The following NCALD variants were observed in gnomAD, a reference collection of about 807,000 sequenced individuals.
The protein encoded by NCALD is neurocalcin-delta.
NCALD carries 10 observed loss-of-function variants against 18.6 expected under a neutral mutation model. The ratio of observed to expected loss-of-function variants is 0.54; its 90% CI spans 0.33 to 0.91. NCALD has a LOEUF of 0.91. NCALD is among the 40% of genes least tolerant of loss of function. The pLI is 0.03. For synonymous variants in NCALD, 88 were observed against 87.4 expected, an observed-to-expected ratio of 1.01 and a Z score of -0.04; for missense variants, 184 against 247.6, an observed-to-expected ratio of 0.74 and a Z score of 1.72.
chr8:102,021,716 C>A (rs1475490747), intron 1 of NCALD, among the ~76,000 whole-genome samples: 1 of 152,144 alleles, frequency 6.6e-6, no homozygotes, highest in Admixed American at 6.5e-5. Context: ...AGACTCTTCT[C>A]CCTAACTACT....
chr8:101,797,876 T>A (rs1336734091), intron 4 of NCALD, among the ~76,000 whole-genome samples: 3 of 151,294 alleles, frequency 2.0e-5, no homozygotes, highest in Non-Finnish European at 2.9e-5. Context: ...AAAAATAAAT[T>A]AAATAAAATA....
chr8:101,901,254 C>T (rs969480136), intron 3 of NCALD, among the ~76,000 whole-genome samples: 1 of 151,244 alleles, frequency 6.6e-6, no homozygotes, highest in Non-Finnish European at 1.5e-5. Context: ...CAGGAATTTC[C>T]TATAAACAGC....
chr8:101,690,312 C>T (rs1814666176), intron 3 of NCALD: 2 of 984,696 alleles, frequency 2.0e-6, no homozygotes, highest in African/African-American at 1.7e-5. Context: ...GTGACATGCT[C>T]GATTGGTAAA....
intron 1 of NCALD, among the ~76,000 whole-genome samples, chr8:101,763,881 G>A (rs935865136): frequency 1.3e-5 from 2 of 151,328 alleles, no homozygotes; most frequent in Non-Finnish European, 2.9e-5. Context: ...TCTCCCGCTT[G>A]CCAAGTCACC....
intron 2 of NCALD, among the ~76,000 whole-genome samples, chr8:102,019,706 T>C (rs1309866886): frequency 1.3e-5 from 2 of 152,168 alleles, no homozygotes; most frequent in South Asian, 2.1e-4. Context: ...TAGCTAAGTA[T>C]AGAAAAGATA....
chr8:101,912,978 G>A (rs1817853941), intron 3 of NCALD, among the ~76,000 whole-genome samples: 1 of 152,212 alleles, frequency 6.6e-6, no homozygotes, highest in Non-Finnish European at 1.5e-5. Context: ...TAGGACATGA[G>A]AGTGACCCAG....
At chr8:101,963,116 G>T (rs1483400238) in intron 2 of NCALD, among the ~76,000 whole-genome samples, 1 of 151,962 alleles carries the variant, frequency 6.6e-6, no homozygotes, top group Non-Finnish European at 1.5e-5. Context: ...TTAACAATTG[G>T]CTTTTATAAA....
chr8:101,732,222 T>C (rs1816864585), intron 1 of NCALD, among the ~76,000 whole-genome samples: 1 of 152,230 alleles, frequency 6.6e-6, no homozygotes, highest in Admixed American at 6.5e-5. Context: ...TCATTATTAC[T>C]ACTTTGGGTT....
chr8:102,026,148 C>T (rs548635109), intron 1 of NCALD, among the ~76,000 whole-genome samples: 2 of 152,262 alleles, frequency 1.3e-5, no homozygotes, highest in African/African-American at 4.8e-5. Context: ...GGGGACACAG[C>T]CAAACCATAT....
chr8:102,079,012 T>C lies in NCALD; in HGVS notation c.-210+45225A>G, dbSNP rs76386152. ...AGACTGCAGAGATCAGAAACATGCT[T>C]GAACCTAGTGGAAGAAGCTGGCTGA... On this transcript the variant is annotated intron_variant, in intron 1 of 6. Coordinates refer to the NCALD transcript ENST00000311028. 3.4e-3 allele frequency among the ~76,000 whole-genome samples: 525 copies of C among 152,286 alleles called. 8 individuals are homozygous for C. Among genetic ancestry groups the C allele is most frequent in the South Asian group, 0.028 (136 of 4,824 alleles).
At chr8:102,055,575 C>T (rs1184572051) in intron 1 of NCALD, among the ~76,000 whole-genome samples, 1 of 152,208 alleles carries the variant, frequency 6.6e-6, no homozygotes, top group Non-Finnish European at 1.5e-5. Flanking sequence ...TATGGTGGTG[C>T]CAAATGAACC....
At chr8:102,003,718 T>C (rs1167650240) in intron 2 of NCALD, among the ~76,000 whole-genome samples, 1 of 152,162 alleles carries the variant, frequency 6.6e-6, no homozygotes, top group Non-Finnish European at 1.5e-5. Flanking sequence ...GCAAGACTGG[T>C]TCAACATACG....
intron 2 of NCALD, among the ~76,000 whole-genome samples, chr8:101,708,170 G>A (rs1815620164): frequency 6.6e-6 from 1 of 152,104 alleles, no homozygotes; most frequent in African/African-American, 2.4e-5. Flanking sequence ...TAAGGTTTGG[G>A]GAATTCCTGG....
chr8:102,025,160 A>G (rs1048572786), intron 1 of NCALD, among the ~76,000 whole-genome samples: 1 of 151,992 alleles, frequency 6.6e-6, no homozygotes, highest in Non-Finnish European at 1.5e-5. Flanking sequence ...CTCAGTGGAG[A>G]CATTTCAACA....
chr8:101,838,921 T>A (rs1814526600), intron 4 of NCALD, among the ~76,000 whole-genome samples: 1 of 152,248 alleles, frequency 6.6e-6, no homozygotes. Context: ...AGACTTGAGA[T>A]GTTTTTCATC....
At chr8:101,888,427 A>G (rs2131493877) in intron 3 of NCALD, among the ~76,000 whole-genome samples, 1 of 151,908 alleles carries the variant, frequency 6.6e-6, no homozygotes, top group Non-Finnish European at 1.5e-5. Flanking sequence ...TTATTTTTGC[A>G]GAGTTCGGGA....
At chr8:101,831,284 G>A (rs531327729) in intron 4 of NCALD, among the ~76,000 whole-genome samples, 1 of 152,276 alleles carries the variant, frequency 6.6e-6, no homozygotes, top group Non-Finnish European at 1.5e-5. Context: ...AGGTTGCCAT[G>A]AGGATCAAAT....
intron 1 of NCALD, among the ~76,000 whole-genome samples, chr8:102,092,279 A>G (rs1824950030): frequency 6.6e-6 from 1 of 152,226 alleles, no homozygotes; most frequent in Non-Finnish European, 1.5e-5. Context: ...TCCACCCCTT[A>G]TTTAGCATAT....
At chr8:102,056,013 T>C (rs1823638788) in intron 1 of NCALD, among the ~76,000 whole-genome samples, 1 of 152,232 alleles carries the variant, frequency 6.6e-6, no homozygotes, top group Non-Finnish European at 1.5e-5. Flanking sequence ...ATATAATGAA[T>C]AACATGGATT....
Sources: allele counts gnomAD v4.1 joint callset (sites outside exome capture counted in the v4.1 genomes callset), GRCh38; gene constraint gnomAD v4.1.1; transcripts MANE v1.5; gene names NCBI Gene and HGNC (gene_info 2026-07-23, HGNC 2026-07-21).